SETBP1: variants seen among roughly 807,000 people sequenced by gnomAD.
SETBP1 encodes the protein SET binding protein 1, also known as SET-binding protein.
Under a neutral mutation model 101.0 loss-of-function variants are expected in SETBP1, and 9 were observed. The observed-to-expected ratio is 0.09, with a 90% CI of 0.05 to 0.16. The LOEUF (loss-of-function observed/expected upper bound fraction) is 0.16. Among genes scored for constraint, SETBP1 ranks in the 10% least tolerant of loss-of-function variants. The pLI is 1.00. For synonymous variants in SETBP1, 818 were observed against 788.5 expected, an observed-to-expected ratio of 1.04 and a Z score of -0.63; for missense variants, 1,858 against 2,033.8, an observed-to-expected ratio of 0.91 and a Z score of 1.66.
intron 2 of SETBP1, among the ~76,000 whole-genome samples, chr18:44,777,197 G>A (rs1411731407): frequency 6.6e-6 from 1 of 152,008 alleles, no homozygotes; most frequent in African/African-American, 2.4e-5. Flanking sequence ...TACACCTGTG[G>A]TCCCAGCTAC....
In SETBP1 at chr18:44,877,027, C is replaced by A. The variant is rs1002980837; in HGVS notation, c.540+7744C>A. 6 of 1,143,090 alleles carry A rather than the reference C, an allele frequency of 5.2e-6. No individual in the cohort carries two copies. The African/African-American group carries it at 9.6e-5, about 18-fold the overall frequency. The allele number at this position is 1,143,090 out of a possible 1,614,324, so 70.8% of individuals were successfully genotyped here. A position where few individuals can be genotyped will look rare whatever the true frequency, so the allele number is the denominator to read the frequency against. ...GCTTGATCCCATGAGTTTGCTTGCT[C>A]AGACGATCACTTAGGAAACACATGC... is the stretch of plus-strand genomic sequence containing the variant. On this transcript the variant is annotated intron_variant, in intron 3 of 5. Coordinates refer to ENST00000649279, the MANE Select transcript of SETBP1 (RefSeq NM_015559.3).
chr18:45,054,123 C>T (rs556437918), intron 5 of SETBP1, among the ~76,000 whole-genome samples: 2 of 152,206 alleles, frequency 1.3e-5, no homozygotes, highest in South Asian at 2.1e-4. Flanking sequence ...TAAATGCCCT[C>T]GTATTTCTCA....
intron 4 of SETBP1, among the ~76,000 whole-genome samples, chr18:45,012,218 AG>A (rs2072853562): frequency 6.6e-6 from 1 of 152,230 alleles, no homozygotes; most frequent in South Asian, 2.1e-4. Context: ...ATGGCACACC[AG>A]GCAGGGCCAC....
chr18:45,060,376 A>C (rs539669617), intron 5 of SETBP1, among the ~76,000 whole-genome samples: 2 of 152,288 alleles, frequency 1.3e-5, no homozygotes, highest in South Asian at 4.2e-4. Flanking sequence ...GAGTGTTCCT[A>C]GTTTCTTACA....
intron 4 of SETBP1, among the ~76,000 whole-genome samples, chr18:45,021,678 A>G (rs1196514459): frequency 1.3e-5 from 2 of 152,186 alleles, no homozygotes; most frequent in African/African-American, 4.8e-5. Context: ...AAAAATTCAC[A>G]TTTGCAGAAT....
At chr18:44,961,464 A>G (rs781181659) in intron 4 of SETBP1, among the ~76,000 whole-genome samples, 1 of 152,312 alleles carries the variant, frequency 6.6e-6, no homozygotes, top group East Asian at 1.9e-4. Flanking sequence ...TGGGGGCTGC[A>G]GGTGCAGAAA....
At chr18:44,763,773 T>C (rs970573567) in intron 2 of SETBP1, among the ~76,000 whole-genome samples, 6 of 152,188 alleles carry the variant, frequency 3.9e-5, no homozygotes, top group African/African-American at 1.4e-4. Context: ...TTTTAAAATA[T>C]GTTTCCCTTG....
chr18:44,902,085 T>A (rs1352510423), intron 3 of SETBP1, among the ~76,000 whole-genome samples: 1 of 152,170 alleles, frequency 6.6e-6, no homozygotes. Flanking sequence ...AATTTAAAAT[T>A]CAGTTCTTGG....
intron 4 of SETBP1, among the ~76,000 whole-genome samples, chr18:44,985,213 G>A (rs992357145): frequency 6.6e-6 from 1 of 152,142 alleles, no homozygotes; most frequent in Non-Finnish European, 1.5e-5. Flanking sequence ...ACAAATGTGG[G>A]TAGGGGTTCT....
intron 2 of SETBP1, among the ~76,000 whole-genome samples, chr18:44,783,380 C>T (rs1423591115): frequency 1.3e-5 from 2 of 152,060 alleles, no homozygotes; most frequent in African/African-American, 2.4e-5. Flanking sequence ...TTGCTTCTTC[C>T]ACTGCAGGAA....
intron 4 of SETBP1, among the ~76,000 whole-genome samples, chr18:44,959,077 C>A (rs938333277): frequency 6.6e-6 from 1 of 152,268 alleles, no homozygotes; most frequent in East Asian, 1.9e-4. Flanking sequence ...TTGAAGTCCC[C>A]GAGCCATTTA....
chr18:44,767,837 C>T (rs1342938132), intron 2 of SETBP1, among the ~76,000 whole-genome samples: 1 of 152,088 alleles, frequency 6.6e-6, no homozygotes. Context: ...TCAAACAAGC[C>T]TTTGATATAC....
Position 44,703,341 on chromosome 18 carries a change from C to T in SETBP1, c.486+1509C>T, listed in dbSNP as rs187362713. On this transcript the variant is annotated intron_variant, in intron 2 of 5. Coordinates refer to ENST00000649279, the MANE Select transcript of SETBP1 (RefSeq NM_015559.3). ...AAGATATTCCATAGCATTTCTGTTA[C>T]CATTAGGTTTTTTTTTTTTTTTTTT... Among the ~76,000 whole-genome samples, 486 of 81,746 alleles carry T rather than the reference C, an allele frequency of 5.9e-3. 3 individuals carry two copies. Among genetic ancestry groups the T allele is most frequent in the Middle Eastern group, 0.042 (5 of 120 alleles). The allele number at this position is 81,746 out of a possible 152,430, so 53.6% of individuals were successfully genotyped here.
intron 4 of SETBP1, among the ~76,000 whole-genome samples, chr18:44,957,323 A>G (rs978339983): frequency 5.9e-5 from 9 of 152,080 alleles, no homozygotes; most frequent in African/African-American, 9.7e-5. Context: ...CTTTGACCTA[A>G]ACTTATGCCA....
intron 2 of SETBP1, among the ~76,000 whole-genome samples, chr18:44,820,977 G>A (rs2072101584): frequency 1.3e-5 from 2 of 152,160 alleles, no homozygotes; most frequent in South Asian, 4.1e-4. Flanking sequence ...GAAGTAAGAG[G>A]ATTACAGTTC....
At chr18:44,847,157 T>C (rs760783864) in intron 2 of SETBP1, among the ~76,000 whole-genome samples, 2 of 152,200 alleles carry the variant, frequency 1.3e-5, no homozygotes, top group Non-Finnish European at 2.9e-5. Context: ...GGCATAACAC[T>C]ACAGTGATTA....
intron 3 of SETBP1, among the ~76,000 whole-genome samples, chr18:44,879,484 C>T (rs906149361): frequency 6.6e-6 from 1 of 152,128 alleles, no homozygotes; most frequent in Admixed American, 6.5e-5. Context: ...ATTCTTGTTA[C>T]TCTTATAAAT....
In SETBP1 at chr18:44,781,448, G is replaced by GCTCTCT. The variant is rs139439080; in HGVS notation, c.486+79635_486+79640dup. ...TAGAGCTGTTGTGCTTCTTTGCACCGCTCTCTCTCTCTCTCTCTCTCTCTG... is the reference window on the plus strand; with the variant it reads ...TAGAGCTGTTGTGCTTCTTTGCACCGCTCTCTCTCTCTCTCTCTCTCTCTCTCTCTG... On this transcript the variant is annotated intron_variant, in intron 2 of 5. Coordinates refer to ENST00000649279, the MANE Select transcript of SETBP1 (RefSeq NM_015559.3). Among the ~76,000 whole-genome samples the GCTCTCT allele has an allele frequency of 9.9e-3, 1,412 of 142,700 alleles. 18 individuals carry two copies. Among genetic ancestry groups the GCTCTCT allele is most frequent in the African/African-American group, 0.034 (1,326 of 38,618 alleles). 93.6% of individuals were successfully genotyped at this position (142,700 alleles called of 152,430 possible). A position where few individuals can be genotyped will look rare whatever the true frequency, so the allele number is the denominator to read the frequency against.
intron 2 of SETBP1, among the ~76,000 whole-genome samples, chr18:44,725,903 T>C (rs1288746494): frequency 1.3e-5 from 2 of 152,126 alleles, no homozygotes; most frequent in East Asian, 3.9e-4. Context: ...TACTTAGAAA[T>C]CTATGGTTAG....
Sources: allele counts gnomAD v4.1 joint callset (sites outside exome capture counted in the v4.1 genomes callset), GRCh38; gene constraint gnomAD v4.1.1; transcripts MANE v1.5; gene names NCBI Gene and HGNC (gene_info 2026-07-23, HGNC 2026-07-21).